The following DNAH6 variants were observed in gnomAD, a reference collection of about 807,000 sequenced individuals.
DNAH6 encodes the protein axonemal beta dynein heavy chain 6.
Under a neutral mutation model 491.4 loss-of-function variants are expected in DNAH6, and 340 were observed. That is an observed-to-expected ratio of 0.69 (90% CI 0.63 to 0.76). The LOEUF is 0.76. Among genes scored for constraint, DNAH6 ranks in the 30% least tolerant of loss-of-function variants. DNAH6 has a pLI of 0.00. For missense variants in DNAH6, 4,443 were observed against 4,972.2 expected, an observed-to-expected ratio of 0.89 and a Z score of 3.20; for synonymous variants, 1,603 against 1,686.1, an observed-to-expected ratio of 0.95 and a Z score of 1.21.
chr2:84,741,074 G>A (rs551012666), intron 62 of DNAH6, among the ~76,000 whole-genome samples: 10 of 152,188 alleles, frequency 6.6e-5, no homozygotes, highest in South Asian at 2.1e-4. Flanking sequence ...CAGCATGGAC[G>A]AGAAGCTGTG....
chr2:84,527,849 T>C (rs1221208330), intron 3 of DNAH6, among the ~76,000 whole-genome samples: 1 of 152,210 alleles, frequency 6.6e-6, no homozygotes, highest in African/African-American at 2.4e-5. Flanking sequence ...AATACATCCC[T>C]GCAGAAATGG....
intron 16 of DNAH6, among the ~76,000 whole-genome samples, chr2:84,592,776 T>C (rs1684229466): frequency 6.6e-6 from 1 of 152,158 alleles, no homozygotes; most frequent in Non-Finnish European, 1.5e-5. Context: ...AATCCTGCTG[T>C]GCCACAGCAT....
rs1050670807 is a variant in DNAH6 at position 84,781,575 on chromosome 2, G to A, written c.10786G>A (p.Val3596Ile). 1 of 1,551,686 alleles carries A rather than the reference G, an allele frequency of 6.4e-7. No individual in the cohort carries two copies. Among genetic ancestry groups the A allele is most frequent in the South Asian group, 1.2e-5 (1 of 84,046 alleles). Residue 3596 changes from valine to isoleucine, a missense_variant, in exon 65 of 77, where the codon GTA (valine) becomes ATA (isoleucine). Physicochemically the swap from Val to Ile is conservative, Grantham distance 29 (BLOSUM62 3). Transcript: ENST00000389394. Reference sequence around the variant, plus strand: ...GGATGCAATGAAATCAGGAAACTGGGTATTTTTGCAAAATTGCCATCTTGC... The same window carrying A: ...GGATGCAATGAAATCAGGAAACTGGATATTTTTGCAAAATTGCCATCTTGC... ...VKDAMKSGNW[V>I]FLQNCHLAVS...
At chr2:84,614,566 A>G (rs1056383590) in intron 22 of DNAH6, among the ~76,000 whole-genome samples, 3 of 152,114 alleles carry the variant, frequency 2.0e-5, no homozygotes, top group African/African-American at 7.2e-5. Flanking sequence ...GGATTGCTGG[A>G]TCAAATGGTA....
At chr2:84,790,858 T>C (rs1677658961) in intron 68 of DNAH6, among the ~76,000 whole-genome samples, 1 of 152,216 alleles carries the variant, frequency 6.6e-6, no homozygotes, top group Non-Finnish European at 1.5e-5. Flanking sequence ...TACTCCTAGA[T>C]ATGTACTTAG....
intron 29 of DNAH6, among the ~76,000 whole-genome samples, chr2:84,627,118 G>T (rs1201906751): frequency 6.6e-6 from 1 of 152,130 alleles, no homozygotes; most frequent in African/African-American, 2.4e-5. Flanking sequence ...CTGACAACTT[G>T]TTGGAAATGC....
intron 18 of DNAH6, among the ~76,000 whole-genome samples, chr2:84,599,393 C>CT (rs1367553194): frequency 6.6e-6 from 1 of 151,562 alleles, no homozygotes; most frequent in East Asian, 1.9e-4. Flanking sequence ...TATCCAAACA[C>CT]TTTTTTTTCA....
chr2:84,785,220 T>C (rs1448787550), intron 66 of DNAH6, among the ~76,000 whole-genome samples: 2 of 152,228 alleles, frequency 1.3e-5, no homozygotes, highest in Non-Finnish European at 2.9e-5. Context: ...AAGAGTTGCT[T>C]CTTCCCTCCC....
chr2:84,466,289 T>G, the DNAH6 span, among the ~76,000 whole-genome samples: 1 of 152,376 alleles, frequency 6.6e-6, no homozygotes, highest in Non-Finnish European at 1.5e-5. Context: ...AAGCACACCA[T>G]TCCAGTCAAA....
chr2:84,584,125 G>C lies in DNAH6; in HGVS notation c.2356G>C (p.Val786Leu). The part of the protein sequence containing the change: ...FATMKPSIVA[V>L]RNAIDKSVGD... ...AACTATGAAGCCATCCATTGTTGCT[G>C]TTCGGAATGCCATTGATAAATCAGT... The change falls in exon 15 of 77, where the codon GTT (valine) becomes CTT (leucine). Residue 786 changes from valine (V) to leucine (L), a missense_variant. This residue lies in a region of DNAH6 where 2,977 missense variants were observed against 3,296.6 expected (regional missense o/e 0.90). Coordinates refer to ENST00000389394, the MANE Select transcript of DNAH6 (RefSeq NM_001370.2). The C allele has an allele frequency of 6.2e-7, 1 of 1,614,172 alleles. No individual in the cohort carries two copies. Among genetic ancestry groups the C allele is most frequent in the Non-Finnish European group, 8.5e-7 (1 of 1,180,022 alleles).
chr2:84,463,168 A>G, the DNAH6 span, among the ~76,000 whole-genome samples: 1 of 152,176 alleles, frequency 6.6e-6, no homozygotes, highest in African/African-American at 2.4e-5. Flanking sequence ...AAATAATACC[A>G]TCTAAGAGAT....
intron 7 of DNAH6, 71 bp from the exon 8 acceptor site, chr2:84,548,217 T>C (rs1162302433): frequency 6.9e-7 from 1 of 1,453,400 alleles, no homozygotes; most frequent in Non-Finnish European, 9.2e-7. Flanking sequence ...TTATCTTTTC[T>C]TTGAATCATA....
intron 44 of DNAH6, 53 bp from the exon 45 acceptor site, chr2:84,688,386 G>T: frequency 1.4e-6 from 2 of 1,398,706 alleles, no homozygotes; most frequent in Non-Finnish European, 1.9e-6. Context: ...GATTTTCCAG[G>T]TTATGTGTCT....
intron 37 of DNAH6, among the ~76,000 whole-genome samples, chr2:84,663,071 C>A (rs1366160373): frequency 6.6e-6 from 1 of 152,158 alleles, no homozygotes; most frequent in East Asian, 1.9e-4. Context: ...ACATCCACAC[C>A]AAAACCCCAT....
At position 84,762,807 on chromosome 2, in the gene DNAH6, T is replaced by C; in HGVS notation, c.10565T>C (p.Ile3522Thr). 1 of 1,551,352 alleles carries C rather than the reference T, an allele frequency of 6.4e-7. No homozygotes were observed. The highest frequency in any genetic ancestry group is 8.7e-7 in the Non-Finnish European group (1 of 1,146,754). ...ATAGAAAATCTTGGAAAACAGTTTATAGAGACACCACCTGTGGACCTGCCT... is the reference window on the plus strand; with the variant it reads ...ATAGAAAATCTTGGAAAACAGTTTACAGAGACACCACCTGTGGACCTGCCT... ...FVIENLGKQF[I>T]ETPPVDLPTL... The change falls in exon 64 of 77, where the codon ATA (isoleucine) becomes ACA (threonine). Residue 3522 changes from isoleucine (I) to threonine (T), a missense_variant. This residue lies in a region of DNAH6 where 1,463 missense variants were observed against 1,656.6 expected (regional missense o/e 0.88). Coordinates refer to ENST00000389394, the MANE Select transcript of DNAH6 (RefSeq NM_001370.2).
At chr2:84,774,388 A>G (rs1436805432) in intron 64 of DNAH6, among the ~76,000 whole-genome samples, 1 of 151,934 alleles carries the variant, frequency 6.6e-6, no homozygotes, top group African/African-American at 2.4e-5. Flanking sequence ...GTGCAGCTTT[A>G]TTTCTGGGGT....
upstream of DNAH6, among the ~76,000 whole-genome samples, chr2:84,511,821 T>A (rs1360116622): frequency 6.6e-6 from 1 of 152,214 alleles, no homozygotes; most frequent in African/African-American, 2.4e-5. Flanking sequence ...ATGTATTACA[T>A]TTATGATTTT....
chr2:84,524,193 G>A (rs1273558063), intron 2 of DNAH6, among the ~76,000 whole-genome samples: 3 of 151,208 alleles, frequency 2.0e-5, no homozygotes, highest in African/African-American at 7.3e-5. Context: ...TCACCATTAT[G>A]TAATGCCCTT....
chr2:84,672,589 G>A, intron 40 of DNAH6, 105 bp downstream of exon 40: 1 of 1,051,450 alleles, frequency 9.5e-7, no homozygotes, highest in Non-Finnish European at 1.4e-6. Flanking sequence ...AGATGGGGTG[G>A]CTTACACAAC....
Sources: gnomAD v4.1 joint callset for allele counts (sites outside exome capture counted in the v4.1 genomes callset) on GRCh38, gnomAD v4.1.1 for gene constraint, gnomAD v4.1.1 regional missense constraint, MANE v1.5 for transcripts, NCBI Gene and HGNC (gene_info 2026-07-23, HGNC 2026-07-21) for gene names.